Variants in MAP2K1 observed in about 807,000 individuals in gnomAD.
MAP2K1 encodes mitogen-activated protein kinase kinase 1.
Under a neutral mutation model 46.3 loss-of-function variants are expected in MAP2K1, and 16 were observed. That is an observed-to-expected ratio of 0.35 (90% CI 0.23 to 0.52). The LOEUF is 0.52. Among genes scored for constraint, MAP2K1 ranks in the 20% least tolerant of loss-of-function variants. The pLI, the probability that MAP2K1 is intolerant of heterozygous loss-of-function variation, is 0.94. For synonymous variants in MAP2K1, 183 were observed against 185.6 expected (o/e 0.99, Z 0.11); for missense variants, 263 against 497.1 (o/e 0.53, Z 4.48).
At chr15:66,464,270 A>G (rs969824079) in intron 5 of MAP2K1, among the ~76,000 whole-genome samples, 2 of 152,194 alleles carry the variant, frequency 1.3e-5, no homozygotes, top group Non-Finnish European at 2.9e-5. Context: ...CTCATGTCCT[A>G]TGATGAGAAA....
At chr15:66,434,980 G>T in intron 1 of MAP2K1, 47 bp from the exon 2 acceptor site, 1 of 1,229,448 alleles carries the variant, frequency 8.1e-7, no homozygotes, top group South Asian at 1.2e-5. Flanking sequence ...TCTTTGGGTT[G>T]ACTTCTCTGG....
At chr15:66,465,714 G>A (rs922579186) in intron 5 of MAP2K1, among the ~76,000 whole-genome samples, 8 of 152,042 alleles carry the variant, frequency 5.3e-5, no homozygotes, top group South Asian at 4.2e-4. Context: ...ACAAAAAAAC[G>A]GGTGTACTAT....
chr15:66,446,532 A>G lies in MAP2K1; in HGVS notation c.568+1825A>G, dbSNP rs530111389. On this transcript the variant is annotated intron_variant, in intron 5 of 10. Transcript: ENST00000307102. ...GAAGAGTGCTTCAGAATTTGGCACA[A>G]ACTATGCCACTGGTTCTGTGGGCCC... 3.8e-5 allele frequency: 7 copies of G among 185,350 alleles called. No homozygotes were observed. The South Asian group carries it at 5.7e-4, about 15-fold the overall frequency. 11.5% of individuals were successfully genotyped at this position (185,350 alleles called of 1,614,324 possible).
At chr15:66,405,049 C>A (rs2093392908) in intron 1 of MAP2K1, among the ~76,000 whole-genome samples, 1 of 152,274 alleles carries the variant, frequency 6.6e-6, no homozygotes, top group Middle Eastern at 3.4e-3. Flanking sequence ...TTTATGAAGG[C>A]CTACCTCATC....
chr15:66,387,608 C>T (rs1374792665), intron 1 of MAP2K1, among the ~76,000 whole-genome samples, 181 bp downstream of exon 1: 1 of 150,424 alleles, frequency 6.6e-6, no homozygotes, highest in Non-Finnish European at 1.5e-5. Context: ...TGACTCAGAC[C>T]AGTTAGCGGA....
At chr15:66,482,229 C>T (rs1272247283) in intron 6 of MAP2K1, among the ~76,000 whole-genome samples, 5 of 152,120 alleles carry the variant, frequency 3.3e-5, no homozygotes, top group African/African-American at 1.2e-4. Context: ...ATAATCCACC[C>T]CAAACTACCT....
chr15:66,406,579 T>G (rs2093397395), intron 1 of MAP2K1, among the ~76,000 whole-genome samples: 2 of 152,146 alleles, frequency 1.3e-5, no homozygotes, highest in Non-Finnish European at 1.5e-5. Flanking sequence ...ACTGAGAAAT[T>G]GAGGTTTTGG....
chr15:66,391,496 G>T (rs942645810), intron 1 of MAP2K1, among the ~76,000 whole-genome samples: 1 of 152,122 alleles, frequency 6.6e-6, no homozygotes, highest in South Asian at 2.1e-4. Flanking sequence ...CACCATGTTA[G>T]CCAGGATGGT....
At chr15:66,486,929 AGAAG>A (rs1265450286) in intron 7 of MAP2K1, among the ~76,000 whole-genome samples, 1 of 152,186 alleles carries the variant, frequency 6.6e-6, no homozygotes, top group Non-Finnish European at 1.5e-5. Flanking sequence ...CTCTCTCAAT[AGAAG>A]GAAGGGGGAA....
At chr15:66,468,953 CA>C (rs111563723) in intron 5 of MAP2K1, among the ~76,000 whole-genome samples, 6 of 137,428 alleles carry the variant, frequency 4.4e-5, no homozygotes, top group African/African-American at 1.1e-4. Flanking sequence ...GACTCCGTCT[CA>C]AAAAAAAAAA....
At position 66,489,228 on chromosome 15, in the gene MAP2K1, T is replaced by C; in HGVS notation, c.974T>C (p.Leu325Pro). The C allele has an allele frequency of 6.2e-7, 1 of 1,614,152 alleles. No homozygotes were observed. Among genetic ancestry groups the C allele is most frequent in the South Asian group, 1.1e-5 (1 of 91,078 alleles). The change falls in exon 9 of 11, where the codon CTG (leucine) becomes CCG (proline). Residue 325 changes from leucine to proline, a missense_variant. Leu to Pro is a moderately conservative substitution (Grantham distance 98). Around this residue, in one of 4 missense-constraint regions of MAP2K1, gnomAD observed 118 missense variants for 193.0 expected, o/e 0.61. Coordinates refer to ENST00000307102, the MANE Select transcript of MAP2K1 (RefSeq NM_002755.4). The stretch of plus-strand genomic sequence containing the variant: ...ATGTGTTTGCAGCCTCCTCCAAAAC[T>C]GCCCAGTGGAGTGTTCAGTCTGGAA... ...DYIVNEPPPK[L>P]PSGVFSLEFQ...
At chr15:66,455,358 G>A (rs1483093330) in intron 5 of MAP2K1, among the ~76,000 whole-genome samples, 1 of 152,190 alleles carries the variant, frequency 6.6e-6, no homozygotes, top group Non-Finnish European at 1.5e-5. Context: ...CTCTAGGTAG[G>A]ATTCTTCAAA....
At chr15:66,402,907 A>G (rs1385239565) in intron 1 of MAP2K1, among the ~76,000 whole-genome samples, 1 of 152,198 alleles carries the variant, frequency 6.6e-6, no homozygotes, top group Non-Finnish European at 1.5e-5. Flanking sequence ...AGGGAACACT[A>G]TTAAGTGTAA....
intron 1 of MAP2K1, among the ~76,000 whole-genome samples, chr15:66,427,859 C>G (rs757769371): frequency 6.7e-6 from 1 of 149,322 alleles, no homozygotes; most frequent in Non-Finnish European, 1.5e-5. Context: ...ACTAAAAATA[C>G]AAAAATTAGC....
At chr15:66,424,255 G>A (rs777314108) in intron 1 of MAP2K1, among the ~76,000 whole-genome samples, 11 of 149,430 alleles carry the variant, frequency 7.4e-5, no homozygotes, top group South Asian at 2.1e-4. Flanking sequence ...GTGGGGTTTC[G>A]CCATGTTGGC....
At chr15:66,483,561 C>T (rs1409954899) in intron 6 of MAP2K1, among the ~76,000 whole-genome samples, 3 of 152,206 alleles carry the variant, frequency 2.0e-5, no homozygotes, top group Middle Eastern at 3.4e-3. Context: ...TTAATGTCTA[C>T]GTGAATATAC....
intron 7 of MAP2K1, 72 bp downstream of exon 7, chr15:66,485,263 GGGCTGATTCTCTGTACATTCTGCCAA>G: frequency 7.2e-7 from 1 of 1,386,374 alleles, no homozygotes. Context: ...GGTTTCTGGA[GGGCTGATTCTCTGTACATTCTGCCAA>G]GACTGATTCT....
At chr15:66,416,386 C>T (rs1352126821) in intron 1 of MAP2K1, among the ~76,000 whole-genome samples, 1 of 152,040 alleles carries the variant, frequency 6.6e-6, no homozygotes, top group African/African-American at 2.4e-5. Flanking sequence ...ACACACCCAC[C>T]TTTCAGACTG....
intron 1 of MAP2K1, among the ~76,000 whole-genome samples, chr15:66,421,005 G>A (rs560664782): frequency 2.3e-4 from 6 of 25,720 alleles, no homozygotes; most frequent in South Asian, 4.0e-3. Context: ...ATATATACAC[G>A]TGCATATATA....
Sources: gnomAD v4.1 joint callset for allele counts (sites outside exome capture counted in the v4.1 genomes callset) on GRCh38, gnomAD v4.1.1 for gene constraint, gnomAD v4.1.1 regional missense constraint, MANE v1.5 for transcripts, NCBI Gene and HGNC (gene_info 2026-07-23, HGNC 2026-07-21) for gene names.